HYAL4: variants seen among roughly 807,000 people sequenced by gnomAD.
HYAL4 encodes the protein hyaluronidase-4.
Under a neutral mutation model 35.2 loss-of-function variants are expected in HYAL4, and 37 were observed. That is an observed-to-expected ratio of 1.05 (90% CI 0.81 to 1.38). The LOEUF is 1.38. Ranked by LOEUF, HYAL4 falls within the 40% of genes most tolerant of loss-of-function variation. The probability of loss-of-function intolerance (pLI) is 0.00; values close to 1 mark genes in which losing one functional copy is unlikely to be tolerated. For synonymous variants in HYAL4, 198 were observed against 203.2 expected (o/e 0.97, Z 0.22); for missense variants, 572 against 572.4 (o/e 1.00, Z 0.01).
intron 1 of HYAL4, among the ~76,000 whole-genome samples, chr7:123,835,515 T>C (rs1805950829): frequency 6.6e-6 from 1 of 152,178 alleles, no homozygotes; most frequent in African/African-American, 2.4e-5. Context: ...ATTTTACTTA[T>C]CTTTTCAAAG....
At chr7:123,837,555 T>C (rs1805984401) in intron 1 of HYAL4, among the ~76,000 whole-genome samples, 1 of 152,184 alleles carries the variant, frequency 6.6e-6, no homozygotes, top group Admixed American at 6.5e-5. Context: ...CTTTAAGTTT[T>C]AGGGTACATG....
At chr7:123,773,951 C>T in the HYAL4 span, among the ~76,000 whole-genome samples, 1 of 151,320 alleles carries the variant, frequency 6.6e-6, no homozygotes, top group Non-Finnish European at 1.5e-5. Flanking sequence ...GCATGGCAGT[C>T]TGCTAGGCAG....
the HYAL4 span, among the ~76,000 whole-genome samples, chr7:123,770,782 T>TA: frequency 6.7e-6 from 1 of 148,242 alleles, no homozygotes; most frequent in Non-Finnish European, 1.5e-5. Context: ...AAGTAATTTA[T>TA]CAAAAAAAAA....
the HYAL4 span, among the ~76,000 whole-genome samples, chr7:123,774,836 AT>A: frequency 3.9e-5 from 6 of 152,148 alleles, no homozygotes; most frequent in Admixed American, 2.6e-4. Context: ...CTTCTTTGCC[AT>A]GCTTTTCCTA....
the HYAL4 span, among the ~76,000 whole-genome samples, chr7:123,813,256 G>A: frequency 1.3e-5 from 2 of 152,078 alleles, no homozygotes; most frequent in Admixed American, 6.6e-5. Context: ...AGATAATTTT[G>A]ATATGTAACT....
At chr7:123,854,272 ATTTG>A (rs1806378981) in intron 2 of HYAL4, among the ~76,000 whole-genome samples, 2 of 151,880 alleles carry the variant, frequency 1.3e-5, no homozygotes, top group Non-Finnish European at 2.9e-5. Context: ...TAGCTTTTGA[ATTTG>A]TTTGTTCTTG....
the HYAL4 span, among the ~76,000 whole-genome samples, chr7:123,807,140 T>C: frequency 3.9e-5 from 6 of 152,320 alleles, no homozygotes; most frequent in African/African-American, 1.4e-4. Context: ...TAGAGAATCA[T>C]TTATTTCTTC....
chr7:123,770,309 A>G, the HYAL4 span, among the ~76,000 whole-genome samples: 2 of 151,836 alleles, frequency 1.3e-5, no homozygotes, highest in African/African-American at 2.4e-5. Context: ...GGGTGTGGTG[A>G]CGGGCGCCTG....
chr7:123,805,942 C>T, the HYAL4 span, among the ~76,000 whole-genome samples: 5 of 151,624 alleles, frequency 3.3e-5, no homozygotes, highest in East Asian at 3.9e-4. Flanking sequence ...TGCAGTGAGG[C>T]GAGATTGAGC....
At chr7:123,847,215 T>C (rs1034444186) in intron 1 of HYAL4, among the ~76,000 whole-genome samples, 2 of 152,338 alleles carry the variant, frequency 1.3e-5, no homozygotes, top group African/African-American at 4.8e-5. Flanking sequence ...TTTTTGTCTT[T>C]CTACTTTTAA....
At chr7:123,862,888 C>A (rs1806605836) in intron 2 of HYAL4, among the ~76,000 whole-genome samples, 1 of 152,192 alleles carries the variant, frequency 6.6e-6, no homozygotes, top group African/African-American at 2.4e-5. Context: ...ACAGTGAAAG[C>A]CTGAGTACCT....
In HYAL4 at chr7:123,871,340, C is replaced by G. The variant is rs536121624; in HGVS notation, c.954+2113C>G. Among the ~76,000 whole-genome samples the G allele has an allele frequency of 4.6e-5, 7 of 152,002 alleles. No homozygotes were observed. In the East Asian group the frequency reaches 1.4e-3, roughly 29 times the overall value. On this transcript the variant is annotated intron_variant, in intron 3 of 4. Transcript: ENST00000223026. ...CAAGTAGCTGAGGTTACACTGCATGCGCCGCCATGCCCAGCTAATTTTTGT... is the reference window on the plus strand; with the variant it reads ...CAAGTAGCTGAGGTTACACTGCATGGGCCGCCATGCCCAGCTAATTTTTGT...
At chr7:123,838,982 GTTT>G (rs36011153) in intron 1 of HYAL4, among the ~76,000 whole-genome samples, 3 of 149,390 alleles carry the variant, frequency 2.0e-5, no homozygotes, top group Non-Finnish European at 4.5e-5. Context: ...AGTTTCAATA[GTTT>G]TTTTTTTAAA....
rs137996933 is a variant in HYAL4 at position 123,868,307 on chromosome 7, T to C, written c.34T>C (p.Cys12Arg). 3.5e-4 allele frequency: 548 copies of C among 1,575,672 alleles called. 1 individual carries two copies. In the African/African-American group the frequency reaches 7.1e-3, roughly 21 times the overall value. ...KVLSEGQLKLCVVQPVHLTSW... is the reference protein window; with the variant it reads ...KVLSEGQLKLRVVQPVHLTSW... ...ATTATCTGAAGGACAGTTAAAGCTTTGTGTTGTTCAACCAGTACATCTCAC... is the reference window on the plus strand; with the variant it reads ...ATTATCTGAAGGACAGTTAAAGCTTCGTGTTGTTCAACCAGTACATCTCAC... Residue 12 changes from cysteine to arginine, a missense_variant, in exon 3 of 5, where the codon TGT becomes CGT. Coordinates refer to ENST00000223026, the MANE Select transcript of HYAL4 (RefSeq NM_012269.3).
chr7:123,874,417 C>G (rs1269537222), intron 3 of HYAL4, among the ~76,000 whole-genome samples: 2 of 151,690 alleles, frequency 1.3e-5, no homozygotes, highest in Non-Finnish European at 2.9e-5. Context: ...TTGTTTTTTG[C>G]TTTTGAGGCG....
At chr7:123,770,612 A>G in the HYAL4 span, among the ~76,000 whole-genome samples, 1 of 152,008 alleles carries the variant, frequency 6.6e-6, no homozygotes, top group Admixed American at 6.6e-5. Flanking sequence ...GTAATCACAC[A>G]ATGAAGTGTA....
chr7:123,836,770 T>A (rs1200520789), intron 1 of HYAL4, among the ~76,000 whole-genome samples: 1 of 152,234 alleles, frequency 6.6e-6, no homozygotes. Context: ...GGCTCATGCC[T>A]GTAATCCCAG....
chr7:123,790,212 CAG>C, the HYAL4 span, among the ~76,000 whole-genome samples: 6 of 152,220 alleles, frequency 3.9e-5, no homozygotes, highest in South Asian at 4.1e-4. Flanking sequence ...GTAATGAAAA[CAG>C]GGGAAACAGT....
At chr7:123,783,769 C>T in the HYAL4 span, among the ~76,000 whole-genome samples, 1 of 152,058 alleles carries the variant, frequency 6.6e-6, no homozygotes, top group African/African-American at 2.4e-5. Flanking sequence ...AATGAAGAAA[C>T]GACCTATGAT....
Sources: allele counts gnomAD v4.1 joint callset (sites outside exome capture counted in the v4.1 genomes callset), GRCh38; gene constraint gnomAD v4.1.1; transcripts MANE v1.5; gene names NCBI Gene and HGNC (gene_info 2026-07-23, HGNC 2026-07-21).